The following EYS variants were observed in gnomAD, a reference collection of about 807,000 sequenced individuals.
The protein encoded by EYS is EGF-like photoreceptor maintenance factor.
EYS carries 250 observed loss-of-function variants against 282.1 expected under a neutral mutation model. The ratio of observed to expected loss-of-function variants is 0.89; its 90% CI spans 0.80 to 0.98. EYS has a LOEUF of 0.98. Among genes scored for constraint, EYS ranks in the 50% least tolerant of loss-of-function variants. The pLI, the probability that EYS is intolerant of heterozygous loss-of-function variation, is 0.00. For missense variants in EYS, 4,016 were observed against 3,709.0 expected (o/e 1.08, Z -2.15); for synonymous variants, 1,355 against 1,282.9 (o/e 1.06, Z -1.20).
intron 12 of EYS, among the ~76,000 whole-genome samples, chr6:65,064,469 A>G (rs1226084972): frequency 6.8e-6 from 1 of 146,414 alleles, no homozygotes; most frequent in Non-Finnish European, 1.5e-5. Context: ...TATGATATAT[A>G]GTATATGATA....
intron 22 of EYS, among the ~76,000 whole-genome samples, chr6:64,692,852 G>A (rs1770436172): frequency 2.0e-5 from 3 of 151,702 alleles, no homozygotes; most frequent in Non-Finnish European, 4.4e-5. Flanking sequence ...TGATCTATAT[G>A]TCCGTTTTCA....
At chr6:64,634,512 T>A (rs1050351827) in intron 22 of EYS, among the ~76,000 whole-genome samples, 2 of 150,522 alleles carry the variant, frequency 1.3e-5, no homozygotes, top group Non-Finnish European at 2.9e-5. Flanking sequence ...TGAGTGGCTA[T>A]CTTGTGCGTA....
In EYS at chr6:64,626,165, T is replaced by C. The variant is rs1339539418; in HGVS notation, c.3524A>G (p.Asp1175Gly). ...ATATCCATTGATGTGATCTTCACAG[T>C]CTGCACCATGTAGACATGGTGATGA... ...CSSSPCLHGA[D>G]CEDHINGYVC... The change falls in exon 23 of 43, where the codon GAC (aspartate) becomes GGC (glycine). Residue 1175 changes from aspartate (D) to glycine (G), a missense_variant. Coordinates refer to ENST00000503581, the MANE Select transcript of EYS (RefSeq NM_001142800.2). 6.5e-7 allele frequency: 1 copy of C among 1,546,626 alleles called. No individual in the cohort carries two copies. Among genetic ancestry groups the C allele is most frequent in the Admixed American group, 2.0e-5 (1 of 50,142 alleles).
At chr6:63,950,199 A>C (rs6903774) in intron 35 of EYS, among the ~76,000 whole-genome samples, 13,284 of 151,054 alleles carry the variant, frequency 0.088, 604 homozygotes, top group South Asian at 0.16. Flanking sequence ...CAAAACAAAA[A>C]AAAAAAACAA....
intron 5 of EYS, among the ~76,000 whole-genome samples, chr6:65,426,153 G>T (rs1422861721): frequency 6.6e-6 from 1 of 151,934 alleles, no homozygotes; most frequent in Non-Finnish European, 1.5e-5. Context: ...TTTTATTTTT[G>T]TATTTTTTGG....
At chr6:64,488,896 G>A (rs142277508) in intron 26 of EYS, among the ~76,000 whole-genome samples, 5 of 150,856 alleles carry the variant, frequency 3.3e-5, no homozygotes, top group Admixed American at 2.0e-4. Context: ...GTTAATACTC[G>A]TAAAGTGATT....
intron 11 of EYS, among the ~76,000 whole-genome samples, chr6:65,322,439 G>C (rs1351173002): frequency 6.6e-6 from 1 of 152,150 alleles, no homozygotes; most frequent in African/African-American, 2.4e-5. Flanking sequence ...TCAGACCTCA[G>C]AGGCTCAGCC....
At chr6:65,310,714 G>T (rs1468218699) in intron 11 of EYS, among the ~76,000 whole-genome samples, 20 of 151,944 alleles carry the variant, frequency 1.3e-4, no homozygotes, top group Admixed American at 1.0e-3. Flanking sequence ...CTTCTCCAAG[G>T]AGTGGCTCCA....
chr6:65,153,532 T>C (rs1764666358), intron 12 of EYS, among the ~76,000 whole-genome samples: 1 of 148,322 alleles, frequency 6.7e-6, no homozygotes, highest in Non-Finnish European at 1.5e-5. Flanking sequence ...TTTTTCACCA[T>C]ATCTACACGA....
intron 29 of EYS, among the ~76,000 whole-genome samples, chr6:64,372,728 A>T (rs1017379160): frequency 1.3e-5 from 2 of 152,040 alleles, no homozygotes; most frequent in Non-Finnish European, 2.9e-5. Context: ...TTTGTCAGAG[A>T]TTTTGTTCAT....
intron 22 of EYS, among the ~76,000 whole-genome samples, chr6:64,676,470 C>A (rs1178026842): frequency 1.3e-5 from 2 of 151,604 alleles, no homozygotes; most frequent in South Asian, 2.1e-4. Flanking sequence ...ATAACTTATT[C>A]TTTTGATTTG....
chr6:65,087,212 C>T (rs1774407763), intron 12 of EYS, among the ~76,000 whole-genome samples: 1 of 152,058 alleles, frequency 6.6e-6, no homozygotes, highest in African/African-American at 2.4e-5. Flanking sequence ...CTCTCACACA[C>T]TAGATCCCAT....
chr6:65,248,044 T>C (rs2150280818), intron 12 of EYS, among the ~76,000 whole-genome samples: 1 of 152,110 alleles, frequency 6.6e-6, no homozygotes, highest in South Asian at 2.1e-4. Context: ...TAAAAAAGAT[T>C]ATTTAAAAGA....
chr6:63,757,335 A>T (rs1769515252), intron 41 of EYS, among the ~76,000 whole-genome samples: 1 of 150,624 alleles, frequency 6.6e-6, no homozygotes, highest in African/African-American at 2.4e-5. Context: ...TGGGGAAGAA[A>T]CCCCACCCTG....
At chr6:65,494,171 T>C (rs977890193) in intron 4 of EYS, among the ~76,000 whole-genome samples, 2 of 152,132 alleles carry the variant, frequency 1.3e-5, no homozygotes, top group Admixed American at 6.6e-5. Context: ...AAGCTTATTT[T>C]GGAGGATCCC....
intron 1 of EYS, among the ~76,000 whole-genome samples, chr6:65,687,020 TA>T (rs1297442901): frequency 1.3e-5 from 2 of 152,060 alleles, no homozygotes; most frequent in Admixed American, 1.3e-4. Flanking sequence ...TCTATAGAAA[TA>T]AAAGGCATAA....
intron 22 of EYS, among the ~76,000 whole-genome samples, chr6:64,652,255 A>G (rs760124579): frequency 2.0e-5 from 3 of 152,154 alleles, no homozygotes; most frequent in Non-Finnish European, 4.4e-5. Context: ...ATGGCAATAG[A>G]GAAATTAACT....
At chr6:64,849,953 C>T (rs1275648082) in intron 19 of EYS, among the ~76,000 whole-genome samples, 1 of 151,816 alleles carries the variant, frequency 6.6e-6, no homozygotes, top group Non-Finnish European at 1.5e-5. Flanking sequence ...GGAGTTATAT[C>T]TCATCATATT....
intron 12 of EYS, among the ~76,000 whole-genome samples, chr6:65,074,990 T>C (rs986692991): frequency 1.3e-5 from 2 of 152,090 alleles, no homozygotes; most frequent in Non-Finnish European, 2.9e-5. Flanking sequence ...AAAAGTCACA[T>C]GATGTAATAC....
Sources: allele counts gnomAD v4.1 joint callset (sites outside exome capture counted in the v4.1 genomes callset), GRCh38; gene constraint gnomAD v4.1.1; transcripts MANE v1.5; gene names NCBI Gene and HGNC (gene_info 2026-07-23, HGNC 2026-07-21).